The following AHCY variants were observed in gnomAD, a reference collection of about 807,000 sequenced individuals.
AHCY encodes adenosylhomocysteinase.
In AHCY, 24 loss-of-function variants were observed where a neutral mutation model predicts 45.4. The observed-to-expected ratio is 0.53, with a 90% CI of 0.38 to 0.74. AHCY has a LOEUF of 0.74. Among genes scored for constraint, AHCY ranks in the 30% least tolerant of loss-of-function variants. AHCY has a pLI of 0.00. For synonymous variants in AHCY, 245 were observed against 235.1 expected (o/e 1.04, Z -0.39); for missense variants, 449 against 594.1 (o/e 0.76, Z 2.54).
chr20:34,259,288 G>A, the AHCY span, among the ~76,000 whole-genome samples: 7 of 152,012 alleles, frequency 4.6e-5, no homozygotes, highest in African/African-American at 9.6e-5. Context: ...AGTGGCTGGC[G>A]GATCACTTGA....
intron 4 of AHCY, 31 bp from the exon 5 acceptor site, chr20:34,291,562 A>C: frequency 6.3e-7 from 1 of 1,575,542 alleles, no homozygotes; most frequent in Admixed American, 1.7e-5. Context: ...CAAGCCTCAG[A>C]GATGCCACAC....
chr20:34,311,076 T>C (rs527573270), intron 1 of AHCY, among the ~76,000 whole-genome samples: 30 of 151,696 alleles, frequency 2.0e-4, no homozygotes, highest in Middle Eastern at 3.4e-3. Flanking sequence ...GCCGAGATTG[T>C]GCCACTGCAC....
chr20:34,264,499 A>G, the AHCY span, among the ~76,000 whole-genome samples: 1 of 152,216 alleles, frequency 6.6e-6, no homozygotes, highest in Non-Finnish European at 1.5e-5. Context: ...GACCCATACT[A>G]GGTGCTACTA....
rs199791897 is a variant in AHCY, at chr20:34,303,320, T to G, written c.-50A>C. 2.3e-5 allele frequency: 35 copies of G among 1,551,478 alleles called. No homozygotes were observed. The East Asian group carries it at 7.8e-4, about 35-fold the overall frequency. On this transcript the variant is annotated 5_prime_UTR_variant, in exon 1 of 10. Coordinates refer to ENST00000217426, the MANE Select transcript of AHCY (RefSeq NM_000687.4). ...GGGCGAAGGGGGCTGGGCCTCAGTC[T>G]GGGAACAGGAACTGGGCGGGCAGCG...
intron 3 of AHCY, chr20:34,293,422 C>CT (rs1410308790): frequency 3.7e-5 from 6 of 161,504 alleles, no homozygotes; most frequent in African/African-American, 1.5e-4. Flanking sequence ...GATCGCACCA[C>CT]TGCACTCCAG....
At chr20:34,289,971 C>T (rs1742779730) in intron 8 of AHCY, among the ~76,000 whole-genome samples, 1 of 152,196 alleles carries the variant, frequency 6.6e-6, no homozygotes, top group Admixed American at 6.5e-5. Flanking sequence ...ACATGCCGTC[C>T]ATCCACCCCA....
At chr20:34,307,432 G>A (rs1284378568), upstream of AHCY, among the ~76,000 whole-genome samples, 1 of 151,930 alleles carries the variant, frequency 6.6e-6, no homozygotes, top group Non-Finnish European at 1.5e-5. Flanking sequence ...GAATGCAATG[G>A]CAAAATCTTG....
the AHCY span, among the ~76,000 whole-genome samples, chr20:34,246,968 CATT>C: frequency 0.11 from 16,948 of 151,680 alleles, 996 homozygotes; most frequent in South Asian, 0.19. Flanking sequence ...TTTTAGTTGT[CATT>C]GTTGTTGGTT....
At chr20:34,247,354 G>A in the AHCY span, among the ~76,000 whole-genome samples, 11 of 147,972 alleles carry the variant, frequency 7.4e-5, no homozygotes, top group Non-Finnish European at 1.3e-4. Flanking sequence ...AGGCTGGAGT[G>A]CAATGGTGTG....
exon 1 of AHCY, chr20:34,311,739 T>A (rs2036951317): frequency 6.6e-6 from 1 of 152,398 alleles, no homozygotes; most frequent in Non-Finnish European, 1.5e-5. Flanking sequence ...GTGGAGTTCC[T>A]CCCTTCTTGT....
intron 2 of AHCY, chr20:34,295,080 G>A (rs576834300): frequency 3.5e-4 from 159 of 453,626 alleles, no homozygotes; most frequent in East Asian, 3.4e-3. Flanking sequence ...GACCCCCGAA[G>A]GGCCAAGGCA....
intron 9 of AHCY, among the ~76,000 whole-genome samples, chr20:34,284,309 G>A (rs1253845716): frequency 1.3e-5 from 2 of 152,028 alleles, no homozygotes; most frequent in East Asian, 1.9e-4. Flanking sequence ...ACAGGCATGC[G>A]CCACCATGCC....
At chr20:34,254,252 G>A in the AHCY span, among the ~76,000 whole-genome samples, 2 of 152,148 alleles carry the variant, frequency 1.3e-5, no homozygotes, top group Admixed American at 1.3e-4. Context: ...TAGTAGAGAC[G>A]AGCTATCACC....
intron 1 of AHCY, chr20:34,301,754 T>C: frequency 1.0e-6 from 1 of 952,876 alleles, no homozygotes; most frequent in Non-Finnish European, 1.2e-6. Context: ...GACCTTCACA[T>C]AACCTTTCTG....
rs545119125 is a variant in AHCY at position 34,289,917 on chromosome 20, G to A, written c.972+415C>T. Reference sequence around the variant, plus strand: ...ATTACAGGTGTGAGCCACCATGCCCGGCCAAAGCTGTGTCCTTTGTTACTC... The same window carrying A: ...ATTACAGGTGTGAGCCACCATGCCCAGCCAAAGCTGTGTCCTTTGTTACTC... On this transcript the variant is annotated intron_variant, in intron 8 of 9. Coordinates refer to ENST00000217426, the MANE Select transcript of AHCY (RefSeq NM_000687.4). 3.7e-4 allele frequency among the ~76,000 whole-genome samples: 57 copies of A among 152,152 alleles called. 1 individual carries two copies. Among genetic ancestry groups the A allele is most frequent in the African/African-American group, 5.5e-4 (23 of 41,496 alleles).
downstream of AHCY, among the ~76,000 whole-genome samples, chr20:34,278,746 T>C (rs1457732892): frequency 6.6e-6 from 1 of 152,146 alleles, no homozygotes; most frequent in East Asian, 1.9e-4. Flanking sequence ...GAGGAATAAA[T>C]AAGACCATAC....
At chr20:34,241,042 C>T in the AHCY span, among the ~76,000 whole-genome samples, 4 of 152,154 alleles carry the variant, frequency 2.6e-5, no homozygotes, top group Non-Finnish European at 4.4e-5. Context: ...TATCCACGGA[C>T]AGGAAAGACG....
intron 3 of AHCY, 138 bp from the exon 4 acceptor site, chr20:34,292,645 T>C (rs2036437689): frequency 3.2e-6 from 4 of 1,244,672 alleles, no homozygotes; most frequent in African/African-American, 1.5e-5. Flanking sequence ...AACTCAGCAG[T>C]GGTCAGGACA....
Position 34,280,908 on chromosome 20 carries a change from C to T in AHCY, c.*126G>A, listed in dbSNP as rs141075350. The T allele has an allele frequency of 8.4e-6, 12 of 1,428,356 alleles. No homozygotes were observed. The East Asian group carries it at 2.7e-4, about 32-fold the overall frequency. The allele number at this position is 1,428,356 out of a possible 1,614,324, so 88.5% of individuals were successfully genotyped here. A position where few individuals can be genotyped will look rare whatever the true frequency, so the allele number is the denominator to read the frequency against. On this transcript the variant is annotated 3_prime_UTR_variant, in exon 10 of 10. Transcript: ENST00000217426. ...CAGCAGAGGCCAAAAACTAAGTGAT[C>T]AGCCCCAGAGAGTCGATGGGGGACA...
Sources: gnomAD v4.1 joint callset for allele counts (sites outside exome capture counted in the v4.1 genomes callset) on GRCh38, gnomAD v4.1.1 for gene constraint, MANE v1.5 for transcripts, NCBI Gene and HGNC (gene_info 2026-07-23, HGNC 2026-07-21) for gene names.